Variants in AUH observed in about 807,000 individuals in gnomAD.
The protein encoded by AUH is methylglutaconyl-CoA hydratase, mitochondrial.
Under a neutral mutation model 42.3 loss-of-function variants are expected in AUH, and 29 were observed. The observed-to-expected ratio is 0.69, with a 90% CI of 0.51 to 0.93. AUH has a LOEUF of 0.93. AUH is among the 40% of genes least tolerant of loss of function. The pLI, the probability that AUH is intolerant of heterozygous loss-of-function variation, is 0.00. For synonymous variants in AUH, 174 were observed against 166.4 expected (o/e 1.05, Z -0.35); for missense variants, 452 against 438.1 (o/e 1.03, Z -0.28).
intron 3 of AUH, among the ~76,000 whole-genome samples, chr9:91,347,536 C>T (rs965779191): frequency 2.7e-5 from 4 of 147,808 alleles, no homozygotes; most frequent in Admixed American, 2.7e-4. Flanking sequence ...TGACAAGCTG[C>T]CCCCCCATCC....
At chr9:91,297,325 C>T (rs1299166298) in intron 5 of AUH, among the ~76,000 whole-genome samples, 4 of 152,178 alleles carry the variant, frequency 2.6e-5, no homozygotes, top group Non-Finnish European at 5.9e-5. Context: ...CTGGACTGCA[C>T]ACAGTAAGCA....
At chr9:91,323,900 C>A (rs535150659) in intron 4 of AUH, among the ~76,000 whole-genome samples, 1 of 152,044 alleles carries the variant, frequency 6.6e-6, no homozygotes, top group East Asian at 1.9e-4. Flanking sequence ...TTATAAAATT[C>A]CAATCACAGT....
At chr9:91,322,509 T>C (rs1467812363) in intron 4 of AUH, among the ~76,000 whole-genome samples, 2 of 152,066 alleles carry the variant, frequency 1.3e-5, no homozygotes, top group Non-Finnish European at 2.9e-5. Context: ...GCCAAAGACA[T>C]TATAGAAATC....
intron 3 of AUH, among the ~76,000 whole-genome samples, chr9:91,355,117 T>C (rs762309152): frequency 7.9e-5 from 12 of 152,240 alleles, no homozygotes; most frequent in Non-Finnish European, 1.8e-4. Flanking sequence ...TTCGGTATCC[T>C]ACATTTTAAG....
intron 3 of AUH, among the ~76,000 whole-genome samples, chr9:91,347,346 C>T (rs192759268): frequency 6.1e-4 from 93 of 152,250 alleles, no homozygotes; most frequent in Non-Finnish European, 1.0e-3. Flanking sequence ...CATGAGCCAC[C>T]GTGCCTGGCT....
At chr9:91,263,582 T>G (rs1419712249) in intron 6 of AUH, among the ~76,000 whole-genome samples, 2 of 152,302 alleles carry the variant, frequency 1.3e-5, no homozygotes, top group African/African-American at 4.8e-5. Context: ...AGGAAATATT[T>G]TAAGTGTTTT....
intron 7 of AUH, among the ~76,000 whole-genome samples, chr9:91,219,304 C>A (rs1409532912): frequency 1.3e-5 from 2 of 152,220 alleles, no homozygotes; most frequent in African/African-American, 4.8e-5. Context: ...CTCTGCAGAT[C>A]ATCAGAATTG....
chr9:91,243,117 G>T (rs901364317), intron 6 of AUH, among the ~76,000 whole-genome samples: 1 of 152,068 alleles, frequency 6.6e-6, no homozygotes, highest in Non-Finnish European at 1.5e-5. Flanking sequence ...AAAACTGAAG[G>T]CTCAGAGCAG....
chr9:91,276,402 G>A (rs1358468686), intron 6 of AUH, among the ~76,000 whole-genome samples: 1 of 141,430 alleles, frequency 7.1e-6, no homozygotes, highest in Non-Finnish European at 1.5e-5. Context: ...GACAGAGTAA[G>A]ACCCTGTCTC....
chr9:91,333,153 T>G (rs1405481578), intron 3 of AUH, among the ~76,000 whole-genome samples: 1 of 152,204 alleles, frequency 6.6e-6, no homozygotes, highest in Non-Finnish European at 1.5e-5. Flanking sequence ...GGCTGAGATT[T>G]TCCTCGGCCA....
intron 4 of AUH, among the ~76,000 whole-genome samples, chr9:91,320,484 G>A (rs1264133047): frequency 6.6e-6 from 1 of 152,190 alleles, no homozygotes; most frequent in African/African-American, 2.4e-5. Context: ...ACGCTGAGCT[G>A]TAACCAATCC....
rs370372114 is a variant in AUH at position 91,236,259 on chromosome 9, T to C, written c.656-15267A>G. On this transcript the variant is annotated intron_variant, in intron 6 of 9. Transcript: ENST00000375731. The stretch of plus-strand genomic sequence containing the variant: ...TTTCTAGCTAACTGGTGGCAGGGGT[T>C]GGGGGGATCGGGGTGGGGGTCTGGA... Among the ~76,000 whole-genome samples the C allele has an allele frequency of 2.5e-3, 78 of 31,640 alleles. 1 individual carries two copies. Among genetic ancestry groups the C allele is most frequent in the African/African-American group, 9.1e-3 (74 of 8,130 alleles). The allele number at this position is 31,640 out of a possible 152,430, so 20.8% of individuals were successfully genotyped here. A position where few individuals can be genotyped will look rare whatever the true frequency, so the allele number is the denominator to read the frequency against.
intron 6 of AUH, among the ~76,000 whole-genome samples, chr9:91,287,094 TA>T (rs142946118): frequency 0.072 from 10,896 of 151,664 alleles, 673 homozygotes; most frequent in East Asian, 0.26. Context: ...CTTAATCCTT[TA>T]AAAAAAATGG....
At chr9:91,325,523 T>G (rs879055520) in intron 3 of AUH, 119 bp from the exon 4 acceptor site, 24 of 798,030 alleles carry the variant, frequency 3.0e-5, no homozygotes, top group Non-Finnish European at 5.1e-5. Context: ...CATCTTTTAA[T>G]AGAATGACAT....
chr9:91,215,796 A>G (rs1826787289), intron 9 of AUH, among the ~76,000 whole-genome samples: 1 of 152,196 alleles, frequency 6.6e-6, no homozygotes. Context: ...GCATAAGCCT[A>G]GAGAGACAGC....
At chr9:91,297,463 AG>A (rs1362542203) in intron 5 of AUH, among the ~76,000 whole-genome samples, 1 of 152,226 alleles carries the variant, frequency 6.6e-6, no homozygotes, top group Non-Finnish European at 1.5e-5. Context: ...TTTAGTACTT[AG>A]ATTAACATCC....
intron 7 of AUH, among the ~76,000 whole-genome samples, chr9:91,220,489 A>G (rs1208643381): frequency 1.3e-5 from 2 of 152,210 alleles, no homozygotes; most frequent in African/African-American, 4.8e-5. Flanking sequence ...TATGGCTTCC[A>G]TTAGAGTGCT....
At chr9:91,355,232 T>C (rs1026328754) in intron 3 of AUH, among the ~76,000 whole-genome samples, 5 of 152,230 alleles carry the variant, frequency 3.3e-5, no homozygotes, top group South Asian at 2.1e-4. Context: ...GCCACAGAGA[T>C]TGAAGCTTTA....
At chr9:91,258,262 T>C (rs570688183) in intron 6 of AUH, among the ~76,000 whole-genome samples, 1 of 152,310 alleles carries the variant, frequency 6.6e-6, no homozygotes, top group East Asian at 1.9e-4. Context: ...AGTTTCACTC[T>C]TATACTCTTG....
Sources: allele counts gnomAD v4.1 joint callset (sites outside exome capture counted in the v4.1 genomes callset), GRCh38; gene constraint gnomAD v4.1.1; transcripts MANE v1.5; gene names NCBI Gene and HGNC (gene_info 2026-07-23, HGNC 2026-07-21).